The following ZC3H12C variants were observed in gnomAD, a reference collection of about 807,000 sequenced individuals.
ZC3H12C encodes zinc finger CCCH-type containing 12C.
Under a neutral mutation model 76.3 loss-of-function variants are expected in ZC3H12C, and 20 were observed. That is an observed-to-expected ratio of 0.26 (90% CI 0.18 to 0.38). The LOEUF (loss-of-function observed/expected upper bound fraction) is 0.38, where lower values mean the gene tolerates loss of function less well. ZC3H12C is among the 10% of genes least tolerant of loss of function. The pLI is 1.00. For synonymous variants in ZC3H12C, 352 were observed against 399.6 expected (o/e 0.88, Z 1.42); for missense variants, 874 against 1,086.5 (o/e 0.80, Z 2.75).
At chr11:110,138,584 G>A (rs532219814) in intron 2 of ZC3H12C, among the ~76,000 whole-genome samples, 3 of 146,980 alleles carry the variant, frequency 2.0e-5, no homozygotes, top group Admixed American at 6.8e-5. Flanking sequence ...TTAAGACAAC[G>A]TCTTACCCTG....
intron 2 of ZC3H12C, among the ~76,000 whole-genome samples, chr11:110,144,175 G>T (rs1565262735): frequency 6.6e-6 from 1 of 152,120 alleles, no homozygotes; most frequent in African/African-American, 2.4e-5. Context: ...TCATAGTTTA[G>T]TATTGTGAGA....
intron 2 of ZC3H12C, among the ~76,000 whole-genome samples, chr11:110,145,030 A>G (rs1034139564): frequency 2.0e-5 from 3 of 152,194 alleles, no homozygotes; most frequent in Non-Finnish European, 4.4e-5. Flanking sequence ...TTGTCCCATC[A>G]TCTTCCCTTC....
chr11:110,099,856 A>C (rs2134142367), intron 1 of ZC3H12C, among the ~76,000 whole-genome samples: 1 of 106 alleles, frequency 9.4e-3, no homozygotes, highest in Admixed American at 0.071. Flanking sequence ...CCCCAGTCCT[A>C]CACAAAGTAA....
intron 3 of ZC3H12C, among the ~76,000 whole-genome samples, chr11:110,155,625 T>G (rs1862363309): frequency 6.6e-6 from 1 of 152,182 alleles, no homozygotes; most frequent in Non-Finnish European, 1.5e-5. Flanking sequence ...TCAGGCAGAA[T>G]TTTTAATGAT....
At position 110,164,811 on chromosome 11, in the gene ZC3H12C, G is replaced by A; in HGVS notation, c.1726G>A (p.Glu576Lys). 1 of 1,613,966 alleles carries A rather than the reference G, an allele frequency of 6.2e-7. No individual in the cohort carries two copies. Among genetic ancestry groups the A allele is most frequent in the African/African-American group, 1.3e-5 (1 of 75,038 alleles). Residue 576 changes from glutamate to lysine, a missense_variant, in exon 6 of 6, where the codon GAA becomes AAA. By Grantham distance (56) the Glu-to-Lys change is moderately conservative. Around this residue, in one of 3 missense-constraint regions of ZC3H12C, gnomAD observed 395 missense variants for 434.4 expected, o/e 0.91. Coordinates refer to ENST00000278590, the MANE Select transcript of ZC3H12C (RefSeq NM_033390.2). The surrounding 1 kb of genome is among the most constrained non-coding windows in gnomAD (Gnocchi z 5.7). ...TKNHGTPMPY[E>K]QYPKCDSPVD... The stretch of plus-strand genomic sequence containing the variant: ...AAATCATGGAACGCCAATGCCTTAT[G>A]AACAGTATCCAAAATGTGACTCACC...
At chr11:110,138,971 A>G (rs1212970261) in intron 2 of ZC3H12C, among the ~76,000 whole-genome samples, 1 of 152,188 alleles carries the variant, frequency 6.6e-6, no homozygotes, top group Non-Finnish European at 1.5e-5. Context: ...GCTATTGACT[A>G]CTATATTGGA....
rs1353866720 is a variant in ZC3H12C at position 110,166,447 on chromosome 11, A to G, written c.*710A>G. 6.6e-6 allele frequency: 1 copy of G among 152,170 alleles called. No homozygotes were observed. 9.4% of individuals were successfully genotyped at this position (152,170 alleles called of 1,614,324 possible). ...GAAATTAGTTAATTTAATATGGTCA[A>G]TTTAAAAGAAAGCAGATGCAATCAA... On this transcript the variant is annotated 3_prime_UTR_variant, in exon 6 of 6. Transcript: ENST00000278590.
intron 1 of ZC3H12C, among the ~76,000 whole-genome samples, chr11:110,093,736 A>G (rs1861057525): frequency 6.6e-6 from 1 of 151,728 alleles, no homozygotes; most frequent in African/African-American, 2.4e-5. Context: ...GGCCTAAGGC[A>G]CCGGTCCCCG....
rs547771696 is a variant in ZC3H12C at position 110,138,862 on chromosome 11, A to G, written c.773+1448A>G. ...GCATGAGCCACCACTCCTGGCCTGC[A>G]TTATTCTTTTGATTTTAAGTCTTTG... is the stretch of plus-strand genomic sequence containing the variant. On this transcript the variant is annotated intron_variant, in intron 2 of 5. Transcript: ENST00000278590. Among the ~76,000 whole-genome samples the G allele has an allele frequency of 1.8e-3, 268 of 152,280 alleles. 2 individuals are homozygous for G. Among genetic ancestry groups the G allele is most frequent in the Non-Finnish European group, 3.3e-3 (222 of 68,020 alleles).
At chr11:110,159,063 T>C (rs893954724) in intron 3 of ZC3H12C, among the ~76,000 whole-genome samples, 193 bp from the exon 4 acceptor site, 2 of 152,200 alleles carry the variant, frequency 1.3e-5, no homozygotes, top group Non-Finnish European at 1.5e-5. Flanking sequence ...AAAGTCTTTA[T>C]TATTAAAATT....
At chr11:110,121,553 T>A (rs1176802761) in intron 1 of ZC3H12C, among the ~76,000 whole-genome samples, 1 of 152,170 alleles carries the variant, frequency 6.6e-6, no homozygotes, top group Non-Finnish European at 1.5e-5. Flanking sequence ...AGTTTTGTTA[T>A]AAACTTTTGT....
chr11:110,160,601 T>C (rs1862461595), intron 4 of ZC3H12C, among the ~76,000 whole-genome samples: 1 of 152,072 alleles, frequency 6.6e-6, no homozygotes, highest in Admixed American at 6.6e-5. Flanking sequence ...AAAATCACTG[T>C]CCTCCACCCC....
At chr11:110,163,491 T>G (rs1862518777) in intron 5 of ZC3H12C, 112 bp downstream of exon 5, 3 of 738,540 alleles carry the variant, frequency 4.1e-6, no homozygotes, top group Non-Finnish European at 6.2e-6. Context: ...ATGCAGTTCT[T>G]TGGATTCCAG....
intron 1 of ZC3H12C, among the ~76,000 whole-genome samples, chr11:110,134,122 A>T (rs1861913221): frequency 6.6e-6 from 1 of 152,170 alleles, no homozygotes; most frequent in African/African-American, 2.4e-5. Flanking sequence ...ACTTATACAA[A>T]ACCCAAACTT....
Position 110,118,016 on chromosome 11 carries a change from CACACACATATATATTATATATATAT to C in ZC3H12C, c.22-18641_22-18617del, listed in dbSNP as rs1270390464. On this transcript the variant is annotated intron_variant, in intron 1 of 5. Transcript: ENST00000278590. ...CACACATATATATTATATATATACA[CACACACATATATATTATATATATAT>C]ACACATATATATTATATATATACAC... is the stretch of plus-strand genomic sequence containing the variant. Among the ~76,000 whole-genome samples, 16 of 128,834 alleles carry C rather than the reference CACACACATATATATTATATATATAT, an allele frequency of 1.2e-4. 5 individuals carry two copies. The highest frequency in any genetic ancestry group is 4.9e-4 in the South Asian group (2 of 4,090). The allele number at this position is 128,834 out of a possible 152,430, so 84.5% of individuals were successfully genotyped here.
intron 2 of ZC3H12C, among the ~76,000 whole-genome samples, chr11:110,143,800 G>A (rs1055265046): frequency 6.6e-5 from 10 of 152,146 alleles, no homozygotes; most frequent in African/African-American, 1.2e-4. Flanking sequence ...CAGGATTACA[G>A]GCGTGAGCCA....
chr11:110,141,932 C>G (rs1457537134), intron 2 of ZC3H12C, among the ~76,000 whole-genome samples: 5 of 152,078 alleles, frequency 3.3e-5, no homozygotes, highest in African/African-American at 1.2e-4. Context: ...ATATATGTGA[C>G]TCACATTATA....
At chr11:110,128,889 C>CAAAAA (rs145436449) in intron 1 of ZC3H12C, among the ~76,000 whole-genome samples, 40 of 93,928 alleles carry the variant, frequency 4.3e-4, no homozygotes, top group Non-Finnish European at 6.3e-4. Flanking sequence ...CCACCACTAA[C>CAAAAA]AAAAAAAAAA....
rs151097227 is a variant in ZC3H12C, at chr11:110,163,474, G to T, written c.1255+95G>T. On this transcript the variant is annotated intron_variant, in intron 5 of 5. Coordinates refer to ENST00000278590, the MANE Select transcript of ZC3H12C (RefSeq NM_033390.2). ...AAATGAACACTTAAAATTTTGGATG[G>T]CATAATATGCAGTTCTTTGGATTCC... 905 of 913,856 alleles carry T rather than the reference G, an allele frequency of 9.9e-4. 8 individuals carry two copies. In the African/African-American group the frequency reaches 0.013, roughly 13 times the overall value. The allele number at this position is 913,856 out of a possible 1,614,324, so 56.6% of individuals were successfully genotyped here. A position where few individuals can be genotyped will look rare whatever the true frequency, so the allele number is the denominator to read the frequency against.
Sources: gnomAD v4.1 joint callset for allele counts (sites outside exome capture counted in the v4.1 genomes callset) on GRCh38, gnomAD v4.1.1 for gene constraint, gnomAD v4.1.1 regional missense constraint, Gnocchi (gnomAD v3.1) non-coding constraint, MANE v1.5 for transcripts, NCBI Gene and HGNC (gene_info 2026-07-23, HGNC 2026-07-21) for gene names.